Variants in BCS1L observed in about 807,000 individuals in gnomAD.
The protein encoded by BCS1L is mitochondrial chaperone BCS1.
Under a neutral mutation model 49.3 loss-of-function variants are expected in BCS1L, and 38 were observed. The ratio of observed to expected loss-of-function variants is 0.77; its 90% CI spans 0.59 to 1.01. The LOEUF (loss-of-function observed/expected upper bound fraction) is 1.01. BCS1L is among the 50% of genes least tolerant of loss of function. BCS1L has a pLI of 0.00. For synonymous variants in BCS1L, 193 were observed against 210.1 expected, an observed-to-expected ratio of 0.92 and a Z score of 0.70; for missense variants, 394 against 540.2, an observed-to-expected ratio of 0.73 and a Z score of 2.68.
At chr2:218,660,423 T>TCATTA in intron 1 of BCS1L, 10 of 152,738 alleles carry the variant, frequency 6.5e-5, no homozygotes, top group South Asian at 6.0e-4. Context: ...AAGCAGGAGG[T>TCATTA]GAAGACCTAT....
chr2:218,663,310 A>G lies in BCS1L; in HGVS notation c.1184A>G (p.Gln395Arg), dbSNP rs1313378749. 3.7e-6 allele frequency: 6 copies of G among 1,614,040 alleles called. No homozygotes were observed. In the East Asian group the frequency reaches 1.3e-4, roughly 36 times the overall value. The change falls in exon 8 of 8, where the codon CAG (glutamine) becomes CGG (arginine). Residue 395 changes from glutamine (Q) to arginine (R), a missense_variant. By Grantham distance (43) the Gln-to-Arg change is conservative. Coordinates refer to ENST00000359273, the MANE Select transcript of BCS1L (RefSeq NM_001079866.2). ...LRATNQISPA[Q>R]VQGYFMLYKN... ...GCTACAAACCAGATCAGTCCTGCCCAGGTGCAGGGCTACTTCATGCTGTAT... is the reference window on the plus strand; with the variant it reads ...GCTACAAACCAGATCAGTCCTGCCCGGGTGCAGGGCTACTTCATGCTGTAT...
rs1283462705 is a variant in BCS1L, at chr2:218,659,801, G to A, written c.-50+58G>A. On this transcript the variant is annotated intron_variant, in intron 1 of 7. Transcript: ENST00000359273. This position sits in a 1 kb window ranked among gnomAD's most constrained non-coding sequence, Gnocchi z 4.4. Reference sequence around the variant, plus strand: ...CATGTGGCTGGAGGCGCGAGCTGGGGTGTGGGCGAGGTTCAGGAGGGGGTT... The same window carrying A: ...CATGTGGCTGGAGGCGCGAGCTGGGATGTGGGCGAGGTTCAGGAGGGGGTT... The A allele has an allele frequency of 6.6e-6, 1 of 152,520 alleles. No homozygotes were observed. Among genetic ancestry groups the A allele is most frequent in the Admixed American group, 6.5e-5 (1 of 15,284 alleles). The allele number at this position is 152,520 out of a possible 1,614,324, so 9.4% of individuals were successfully genotyped here.
In BCS1L at chr2:218,662,034, A is replaced by G; in HGVS notation, c.655+81A>G. ...GGTTGGTCTCCAGCCAGATGGGGTG[A>G]TATAAAGCTCTAGTCCAATTCCCAG... On this transcript the variant is annotated intron_variant, in intron 4 of 7. Coordinates refer to ENST00000359273, the MANE Select transcript of BCS1L (RefSeq NM_001079866.2). This position sits in a 1 kb window ranked among gnomAD's most constrained non-coding sequence, Gnocchi z 5.8. 1 of 1,520,204 alleles carries G rather than the reference A, an allele frequency of 6.6e-7. No individual in the cohort carries two copies. Among genetic ancestry groups the G allele is most frequent in the East Asian group, 2.3e-5 (1 of 44,358 alleles). The allele number at this position is 1,520,204 out of a possible 1,614,324, so 94.2% of individuals were successfully genotyped here. A position where few individuals can be genotyped will look rare whatever the true frequency, so the allele number is the denominator to read the frequency against.
intron 1 of BCS1L, 147 bp from the exon 2 acceptor site, chr2:218,660,792 G>A (rs2106318981): frequency 3.3e-6 from 2 of 610,964 alleles, no homozygotes; most frequent in South Asian, 3.9e-5. Context: ...GAGGGACCTG[G>A]AGCCTCCACC....
chr2:218,659,400 TCTA>T (rs1465317936), upstream of BCS1L: 10 of 151,966 alleles, frequency 6.6e-5, no homozygotes, highest in African/African-American at 2.4e-4. The surrounding 1 kb of genome is among the most constrained non-coding windows in gnomAD (Gnocchi z 4.4). Context: ...GAGCCGCATC[TCTA>T]TGGTCGGCCG....
In BCS1L at chr2:218,661,170, C is replaced by T. The variant is rs779908221; in HGVS notation, c.183C>T (p.Ala61=). 5.0e-6 allele frequency: 8 copies of T among 1,614,088 alleles called. No homozygotes were observed. The East Asian group carries it at 1.8e-4, about 36-fold the overall frequency. Residue 61 remains alanine, a synonymous_variant, in exon 2 of 8, where the codon GCC becomes GCT. Coordinates refer to ENST00000359273, the MANE Select transcript of BCS1L (RefSeq NM_001079866.2). The surrounding 1 kb of genome is among the most constrained non-coding windows in gnomAD (Gnocchi z 5.9). The part of the protein sequence containing the change: ...LEVPARDRSY[A]WLLSWLTRHS... Reference sequence around the variant, plus strand: ...TCCCTGCTCGAGACAGGAGCTATGCCTGGTTGCTTAGCTGGCTCACCCGCC... The same window carrying T: ...TCCCTGCTCGAGACAGGAGCTATGCTTGGTTGCTTAGCTGGCTCACCCGCC...
chr2:218,662,755 G>C lies in BCS1L; in HGVS notation c.889+76G>C. 1.9e-6 allele frequency: 3 copies of C among 1,609,436 alleles called. No individual in the cohort carries two copies. Among genetic ancestry groups the C allele is most frequent in the Non-Finnish European group, 2.6e-6 (3 of 1,176,286 alleles). ...AAGAAAGCAGAAATCCAGAGGGCTGGTGGAAGATGCCTGGGTTAGTGACAA... is the reference window on the plus strand; with the variant it reads ...AAGAAAGCAGAAATCCAGAGGGCTGCTGGAAGATGCCTGGGTTAGTGACAA... On this transcript the variant is annotated intron_variant, in intron 6 of 7. Coordinates refer to ENST00000359273, the MANE Select transcript of BCS1L (RefSeq NM_001079866.2). The surrounding 1 kb of genome is among the most constrained non-coding windows in gnomAD (Gnocchi z 5.8).
intron 1 of BCS1L, chr2:218,660,438 A>C: frequency 6.2e-6 from 1 of 161,352 alleles, no homozygotes; most frequent in Non-Finnish European, 1.4e-5. Context: ...ACCTATTAAA[A>C]TGCCATTTCA....
At position 218,662,423 on chromosome 2, in the gene BCS1L, CAT is replaced by C. The variant is rs373333569; in HGVS notation, c.720-86_720-85del. ...AGGTAGAAGTCAGGCCTCTGAGACA[CAT>C]GTCCCCAGGCGGTGAGGAGAGTAGC... is the stretch of plus-strand genomic sequence containing the variant. On this transcript the variant is annotated intron_variant, in intron 5 of 7. Coordinates refer to ENST00000359273, the MANE Select transcript of BCS1L (RefSeq NM_001079866.2). This position sits in a 1 kb window ranked among gnomAD's most constrained non-coding sequence, Gnocchi z 5.8. The C allele has an allele frequency of 9.7e-4, 1,529 of 1,570,866 alleles. 17 individuals are homozygous for C. In the African/African-American group the frequency reaches 0.019, roughly 19 times the overall value.
rs2106323665 is a variant in BCS1L, at chr2:218,661,408, A to T, written c.323A>T (p.Tyr108Phe). 3 of 1,614,232 alleles carry T rather than the reference A, an allele frequency of 1.9e-6. No individual in the cohort carries two copies. The highest frequency in any genetic ancestry group is 1.7e-6 in the Non-Finnish European group (2 of 1,180,048). The change falls in exon 3 of 8, where the codon TAT (tyrosine) becomes TTT (phenylalanine). Residue 108 changes from tyrosine (Y) to phenylalanine (F), a missense_variant and splice_region_variant. Tyr to Phe is a conservative substitution (Grantham distance 22, BLOSUM62 3). Transcript: ENST00000359273. This position sits in a 1 kb window ranked among gnomAD's most constrained non-coding sequence, Gnocchi z 5.9. ...VPSPGNHFIW[Y>F]RGKWIRVERS... ...CAGTTTTGATCGTTCTTATTCAGGT[A>T]TCGGGGGAAATGGATTCGGGTAGAA...
Position 218,660,653 on chromosome 2 carries a change from A to G in BCS1L, c.-49-286A>G, listed in dbSNP as rs894138272. The stretch of plus-strand genomic sequence containing the variant: ...ATCATAGCTGGTCCCAGGGACCACA[A>G]AAATCCTGTCCATCCATTACCCTGA... On this transcript the variant is annotated intron_variant, in intron 1 of 7. Transcript: ENST00000359273. 15 of 290,048 alleles carry G rather than the reference A, an allele frequency of 5.2e-5. 1 individual carries two copies. In the Middle Eastern group the frequency reaches 3.3e-3, roughly 63 times the overall value. 18.0% of individuals were successfully genotyped at this position (290,048 alleles called of 1,614,324 possible). A position where few individuals can be genotyped will look rare whatever the true frequency, so the allele number is the denominator to read the frequency against.
rs907489121 is a variant in BCS1L at position 218,662,425 on chromosome 2, T to C, written c.720-85T>C. On this transcript the variant is annotated intron_variant, in intron 5 of 7. Transcript: ENST00000359273. The surrounding 1 kb of genome is among the most constrained non-coding windows in gnomAD (Gnocchi z 5.8). ...GTAGAAGTCAGGCCTCTGAGACACA[T>C]GTCCCCAGGCGGTGAGGAGAGTAGC... is the stretch of plus-strand genomic sequence containing the variant. 6.4e-7 allele frequency: 1 copy of C among 1,571,138 alleles called. No homozygotes were observed. The highest frequency in any genetic ancestry group is 8.7e-7 in the Non-Finnish European group (1 of 1,146,646).
chr2:218,662,970 T>C lies in BCS1L; in HGVS notation c.977T>C (p.Ile326Thr). ...LDGVASTEAR[I>T]VFMTTNHVDR... ...GGTGTGGCTTCCACCGAGGCCCGCA[T>C]CGTGTTCATGACCACCAACCACGTT... Residue 326 changes from isoleucine (I) to threonine (T), a missense_variant, in exon 7 of 8, where the codon ATC (isoleucine) becomes ACC (threonine). Transcript: ENST00000359273. This position sits in a 1 kb window ranked among gnomAD's most constrained non-coding sequence, Gnocchi z 5.8. The C allele has an allele frequency of 6.2e-7, 1 of 1,613,188 alleles. No homozygotes were observed. Among genetic ancestry groups the C allele is most frequent in the Non-Finnish European group, 8.5e-7 (1 of 1,179,786 alleles).
Position 218,661,961 on chromosome 2 carries a change from G to C in BCS1L, c.655+8G>C. On this transcript the variant is annotated splice_region_variant and intron_variant, in intron 4 of 7. Transcript: ENST00000359273. The surrounding 1 kb of genome is among the most constrained non-coding windows in gnomAD (Gnocchi z 5.9). ...AGTGGTACACTGACAGAGGTGAGAA[G>C]CAGCTGGGGTCTTGGCTGTGCTGTT... The C allele has an allele frequency of 6.2e-7, 1 of 1,613,798 alleles. No homozygotes were observed. The highest frequency in any genetic ancestry group is 8.5e-7 in the Non-Finnish European group (1 of 1,179,846).
chr2:218,659,110 G>A (rs550974509), upstream of BCS1L: 1 of 152,460 alleles, frequency 6.6e-6, no homozygotes, highest in East Asian at 1.9e-4. The surrounding 1 kb of genome is among the most constrained non-coding windows in gnomAD (Gnocchi z 4.4). Context: ...GAACTGGAAA[G>A]GCGGTTTGTA....
Position 218,662,710 on chromosome 2 carries a change from G to C in BCS1L, c.889+31G>C. 6.2e-7 allele frequency: 1 copy of C among 1,613,936 alleles called. No homozygotes were observed. The highest frequency in any genetic ancestry group is 8.5e-7 in the Non-Finnish European group (1 of 1,180,010). Reference sequence around the variant, plus strand: ...TGAGGGGTTCTGGAGGAAGTGGAGTGGGTAACTGTGGAACAGGGGAAGAAA... The same window carrying C: ...TGAGGGGTTCTGGAGGAAGTGGAGTCGGTAACTGTGGAACAGGGGAAGAAA... On this transcript the variant is annotated intron_variant, in intron 6 of 7. Coordinates refer to ENST00000359273, the MANE Select transcript of BCS1L (RefSeq NM_001079866.2). This position sits in a 1 kb window ranked among gnomAD's most constrained non-coding sequence, Gnocchi z 5.8.
rs964232390 is a variant in BCS1L at position 218,661,116 on chromosome 2, C to A, written c.129C>A (p.Phe43Leu). The part of the protein sequence containing the change: ...RKGVQLGLVA[F>L]RRHYMITLEV... Reference sequence around the variant, plus strand: ...GTGTCCAACTGGGCCTGGTGGCATTCCGGCGCCATTACATGATCACACTGG... The same window carrying A: ...GTGTCCAACTGGGCCTGGTGGCATTACGGCGCCATTACATGATCACACTGG... Residue 43 changes from phenylalanine (F) to leucine (L), a missense_variant, in exon 2 of 8, where the codon TTC becomes TTA. Phe to Leu is a conservative substitution (Grantham distance 22, BLOSUM62 0). Coordinates refer to ENST00000359273, the MANE Select transcript of BCS1L (RefSeq NM_001079866.2). This position sits in a 1 kb window ranked among gnomAD's most constrained non-coding sequence, Gnocchi z 5.9. 1.1e-5 allele frequency: 17 copies of A among 1,614,206 alleles called. No individual in the cohort carries two copies. Among genetic ancestry groups the A allele is most frequent in the East Asian group, 6.7e-5 (3 of 44,882 alleles).
Position 218,662,893 on chromosome 2 carries a change from G to A in BCS1L, c.900G>A (p.Lys300=). The part of the protein sequence containing the change: ...SRDLAVENPV[K]YQGLGRLTFS... ...TTTGCCTTCCTCCAGACCCAGTAAA[G>A]TACCAAGGCCTAGGTCGCCTCACCT... Residue 300 remains lysine (K), a synonymous_variant, in exon 7 of 8, where the codon AAG becomes AAA. Transcript: ENST00000359273. The surrounding 1 kb of genome is among the most constrained non-coding windows in gnomAD (Gnocchi z 5.8). 6.2e-7 allele frequency: 1 copy of A among 1,614,116 alleles called. No individual in the cohort carries two copies. Among genetic ancestry groups the A allele is most frequent in the Non-Finnish European group, 8.5e-7 (1 of 1,180,010 alleles).
chr2:218,661,970 G>A lies in BCS1L; in HGVS notation c.655+17G>A. On this transcript the variant is annotated intron_variant, in intron 4 of 7. Coordinates refer to ENST00000359273, the MANE Select transcript of BCS1L (RefSeq NM_001079866.2). This position sits in a 1 kb window ranked among gnomAD's most constrained non-coding sequence, Gnocchi z 5.9. ...CTGACAGAGGTGAGAAGCAGCTGGG[G>A]TCTTGGCTGTGCTGTTTTTGACATT... is the stretch of plus-strand genomic sequence containing the variant. The A allele has an allele frequency of 6.2e-7, 1 of 1,612,952 alleles. No individual in the cohort carries two copies. Among genetic ancestry groups the A allele is most frequent in the South Asian group, 1.1e-5 (1 of 90,820 alleles).
Sources: allele counts gnomAD v4.1 joint callset, GRCh38; gene constraint gnomAD v4.1.1; non-coding constraint Gnocchi (gnomAD v3.1); transcripts MANE v1.5; gene names NCBI Gene and HGNC (gene_info 2026-07-23, HGNC 2026-07-21).